The following THSD7A variants were observed in gnomAD, a reference collection of about 807,000 sequenced individuals.
The protein encoded by THSD7A is thrombospondin type-1 domain-containing protein 7A.
THSD7A carries 96 observed loss-of-function variants against 231.3 expected under a neutral mutation model. The observed-to-expected ratio is 0.41, with a 90% confidence interval of 0.35 to 0.49. The LOEUF is 0.49. Ranked by LOEUF, THSD7A falls within the 20% of genes least tolerant of loss-of-function variation. The pLI, the probability that THSD7A is intolerant of heterozygous loss-of-function variation, is 0.05. For synonymous variants in THSD7A, 940 were observed against 743.3 expected, an observed-to-expected ratio of 1.26 and a Z score of -4.30; for missense variants, 2,290 against 2,070.2, an observed-to-expected ratio of 1.11 and a Z score of -2.06.
At chr7:11,675,244 A>G (rs1783588788) in intron 1 of THSD7A, among the ~76,000 whole-genome samples, 1 of 152,116 alleles carries the variant, frequency 6.6e-6, no homozygotes, top group African/African-American at 2.4e-5. Context: ...CACAGATACT[A>G]TGCTTTTACC....
chr7:11,732,557 T>C (rs1288160186), intron 1 of THSD7A, among the ~76,000 whole-genome samples: 3 of 151,868 alleles, frequency 2.0e-5, no homozygotes, highest in Non-Finnish European at 4.4e-5. Flanking sequence ...GTGCCGGTAT[T>C]ATATAGTTTA....
At chr7:11,595,541 C>A (rs571301108) in intron 2 of THSD7A, among the ~76,000 whole-genome samples, 4 of 152,126 alleles carry the variant, frequency 2.6e-5, no homozygotes, top group Non-Finnish European at 5.9e-5. Flanking sequence ...AATGCCTGAT[C>A]TCCCCTGGTT....
At chr7:11,644,211 T>C (rs1001108581) in intron 1 of THSD7A, among the ~76,000 whole-genome samples, 2 of 152,010 alleles carry the variant, frequency 1.3e-5, no homozygotes, top group African/African-American at 4.8e-5. Flanking sequence ...TTTCAAAGGA[T>C]TTTATTGCCA....
At chr7:11,503,091 A>G (rs1787403400) in intron 6 of THSD7A, among the ~76,000 whole-genome samples, 1 of 152,196 alleles carries the variant, frequency 6.6e-6, no homozygotes, top group Non-Finnish European at 1.5e-5. Context: ...CCAAAACAGC[A>G]TGGTACTGAT....
In THSD7A at chr7:11,537,790, T is replaced by A. The variant is rs150042111; in HGVS notation, c.1822+3629A>T. Among the ~76,000 whole-genome samples, 410 of 152,342 alleles carry A rather than the reference T, an allele frequency of 2.7e-3. 1 individual carries two copies. The highest frequency in any genetic ancestry group is 9.4e-3 in the African/African-American group (390 of 41,588). On this transcript the variant is annotated intron_variant, in intron 6 of 27. Transcript: ENST00000423059. The stretch of plus-strand genomic sequence containing the variant: ...GTGTTTTCAAAGCCAGTTCTTTTGA[T>A]ACTTTTGATGATATGTAGAAATGTT...
At chr7:11,579,550 C>A (rs1791066589) in intron 4 of THSD7A, among the ~76,000 whole-genome samples, 2 of 152,182 alleles carry the variant, frequency 1.3e-5, no homozygotes. Flanking sequence ...CACCATCTTT[C>A]TTTCATTAAT....
chr7:11,487,387 C>T (rs1786702646), intron 6 of THSD7A, among the ~76,000 whole-genome samples: 1 of 151,916 alleles, frequency 6.6e-6, no homozygotes, highest in African/African-American at 2.4e-5. Flanking sequence ...GTGTTAGAGC[C>T]TAAATAAAAC....
At chr7:11,416,057 T>A (rs1357880562) in intron 17 of THSD7A, among the ~76,000 whole-genome samples, 2 of 152,298 alleles carry the variant, frequency 1.3e-5, no homozygotes, top group East Asian at 1.9e-4. Context: ...TTTCTGAGGT[T>A]TTTCTTTAAA....
At chr7:11,728,343 G>A (rs1781615435) in intron 1 of THSD7A, among the ~76,000 whole-genome samples, 1 of 151,908 alleles carries the variant, frequency 6.6e-6, no homozygotes, top group Admixed American at 6.6e-5. Flanking sequence ...GGAGTTTAAT[G>A]TATTGGAGTT....
chr7:11,754,558 C>T (rs1316447123), intron 1 of THSD7A, among the ~76,000 whole-genome samples: 1 of 152,056 alleles, frequency 6.6e-6, no homozygotes, highest in Non-Finnish European at 1.5e-5. Context: ...TTGGAAAGCG[C>T]TTTTCTTAAT....
chr7:11,684,451 CT>C (rs1026755149), intron 1 of THSD7A, among the ~76,000 whole-genome samples: 14 of 151,074 alleles, frequency 9.3e-5, no homozygotes, highest in African/African-American at 3.4e-4. Flanking sequence ...AATCATCTCT[CT>C]TTGCAGACAA....
rs1389379551 is a variant in THSD7A, at chr7:11,474,535, T to G, written c.2051A>C (p.Gln684Pro). 9 of 1,606,750 alleles carry G rather than the reference T, an allele frequency of 5.6e-6. No individual in the cohort carries two copies. The highest frequency in any genetic ancestry group is 1.7e-5 in the Admixed American group (1 of 59,614). ...ATGCTCATTACAGCTTCGTACTTCT[T>G]GCAAAGCACTGCTATTTGGACAGCG... Reference protein sequence around the residue: ...GIRCPNSSALQEVRSCNEHPC... With the variant: ...GIRCPNSSALPEVRSCNEHPC... The change falls in exon 8 of 28, where the codon CAA becomes CCA. Residue 684 changes from glutamine to proline, a missense_variant. Gln to Pro is a moderately conservative substitution (Grantham distance 76). Coordinates refer to ENST00000423059, the MANE Select transcript of THSD7A (RefSeq NM_015204.3). The surrounding 1 kb of genome is among the most constrained non-coding windows in gnomAD (Gnocchi z 4.1).
chr7:11,668,219 C>T (rs1321218243), intron 1 of THSD7A, among the ~76,000 whole-genome samples: 1 of 152,216 alleles, frequency 6.6e-6, no homozygotes, highest in East Asian at 1.9e-4. Context: ...GAGGCCGAGA[C>T]CTTCCTGGCC....
chr7:11,458,290 G>A (rs1008931736), intron 11 of THSD7A, among the ~76,000 whole-genome samples: 2 of 152,002 alleles, frequency 1.3e-5, no homozygotes, highest in African/African-American at 4.8e-5. Flanking sequence ...AAACAGCCAC[G>A]ACCATCAAAG....
In THSD7A at chr7:11,428,994, G is replaced by A. The variant is rs758347470; in HGVS notation, c.3196C>T (p.Pro1066Ser). ...KVRSKWLREK[P>S]YNGGRPCPKL... ...GGGCAAGGCCTTCCTCCATTATATGGTTTTTCACGCAGCCATTTAGAACGA... is the reference window on the plus strand; with the variant it reads ...GGGCAAGGCCTTCCTCCATTATATGATTTTTCACGCAGCCATTTAGAACGA... The change falls in exon 14 of 28, where the codon CCA becomes TCA. Residue 1066 changes from proline (P) to serine (S), a missense_variant. Physicochemically the swap from Pro to Ser is moderately conservative, Grantham distance 74 (BLOSUM62 -1). Coordinates refer to ENST00000423059, the MANE Select transcript of THSD7A (RefSeq NM_015204.3). 1 of 1,612,972 alleles carries A rather than the reference G, an allele frequency of 6.2e-7. No individual in the cohort carries two copies. The highest frequency in any genetic ancestry group is 8.5e-7 in the Non-Finnish European group (1 of 1,179,478).
intron 23 of THSD7A, chr7:11,385,336 A>C (rs1175888095): frequency 6.6e-6 from 1 of 152,070 alleles, no homozygotes; most frequent in Non-Finnish European, 1.5e-5. Context: ...AATAAGTGGC[A>C]ACAGTGGTAT....
intron 8 of THSD7A, among the ~76,000 whole-genome samples, 173 bp from the exon 9 acceptor site, chr7:11,470,167 T>C (rs1171424246): frequency 1.3e-5 from 2 of 152,138 alleles, no homozygotes; most frequent in Admixed American, 6.6e-5. Flanking sequence ...ACTAAATTGA[T>C]TGTTTCAAAC....
chr7:11,828,769 T>A (rs1040722254), intron 1 of THSD7A, among the ~76,000 whole-genome samples: 2 of 152,150 alleles, frequency 1.3e-5, no homozygotes, highest in Non-Finnish European at 2.9e-5. Context: ...AATGTATAAG[T>A]AATAAGTATT....
intron 1 of THSD7A, among the ~76,000 whole-genome samples, chr7:11,676,654 G>T (rs780442764): frequency 4.6e-5 from 7 of 152,096 alleles, no homozygotes; most frequent in Non-Finnish European, 1.0e-4. Context: ...CAATCAAGTG[G>T]AAGAAAGGAT....
Sources: gnomAD v4.1 joint callset for allele counts (sites outside exome capture counted in the v4.1 genomes callset) on GRCh38, gnomAD v4.1.1 for gene constraint, Gnocchi (gnomAD v3.1) non-coding constraint, MANE v1.5 for transcripts, NCBI Gene and HGNC (gene_info 2026-07-23, HGNC 2026-07-21) for gene names.